The following FILIP1L variants were observed in gnomAD, a reference collection of about 807,000 sequenced individuals.
The protein encoded by FILIP1L is filamin A interacting protein 1 like.
A neutral mutation model predicts 96.6 loss-of-function variants in FILIP1L; 55 were observed. The observed-to-expected ratio is 0.57, with a 90% CI of 0.46 to 0.71. The LOEUF (loss-of-function observed/expected upper bound fraction) is 0.71. Ranked by LOEUF, FILIP1L falls within the 30% of genes least tolerant of loss-of-function variation. The pLI is 0.00. For missense variants in FILIP1L, 1,304 were observed against 1,321.2 expected, an observed-to-expected ratio of 0.99 and a Z score of 0.20; for synonymous variants, 467 against 473.9, an observed-to-expected ratio of 0.99 and a Z score of 0.19.
At chr3:99,901,629 T>C (rs1459393977) in intron 4 of FILIP1L, among the ~76,000 whole-genome samples, 2 of 152,230 alleles carry the variant, frequency 1.3e-5, no homozygotes, top group Admixed American at 1.3e-4. Context: ...ATCAGCGATG[T>C]GTATTCTAAA....
chr3:100,037,929 A>T (rs1173953209), intron 1 of FILIP1L, among the ~76,000 whole-genome samples: 1 of 147,616 alleles, frequency 6.8e-6, no homozygotes, highest in African/African-American at 2.5e-5. Context: ...TTTCCTTTTT[A>T]ATCGCTTTTC....
intron 1 of FILIP1L, among the ~76,000 whole-genome samples, chr3:100,099,462 C>T (rs1228538923): frequency 6.6e-6 from 1 of 152,114 alleles, no homozygotes; most frequent in East Asian, 1.9e-4. Context: ...GAGAGCTGAT[C>T]TTGTAGCTAG....
chr3:100,047,711 G>A (rs577893205), intron 1 of FILIP1L, among the ~76,000 whole-genome samples: 2 of 152,290 alleles, frequency 1.3e-5, no homozygotes, highest in South Asian at 2.1e-4. Flanking sequence ...CCCTGCCACT[G>A]TCTAGCTATA....
chr3:99,839,921 A>C (rs1943056274), intron 5 of FILIP1L, among the ~76,000 whole-genome samples: 1 of 151,990 alleles, frequency 6.6e-6, no homozygotes, highest in Non-Finnish European at 1.5e-5. Context: ...TAAGAGTGGA[A>C]CTCTTATAGA....
chr3:99,862,897 A>G (rs140359533), intron 4 of FILIP1L, among the ~76,000 whole-genome samples: 147 of 152,276 alleles, frequency 9.7e-4, no homozygotes, highest in African/African-American at 3.2e-3. Flanking sequence ...CCAATATCCA[A>G]TGAAATGCCA....
intron 4 of FILIP1L, among the ~76,000 whole-genome samples, chr3:99,909,898 A>C (rs1394656994): frequency 6.6e-6 from 1 of 152,108 alleles, no homozygotes; most frequent in Non-Finnish European, 1.5e-5. Context: ...TGAACCCTTC[A>C]TATTCAGAGT....
intron 1 of FILIP1L, among the ~76,000 whole-genome samples, chr3:99,997,590 G>A (rs1709720357): frequency 6.6e-6 from 1 of 152,132 alleles, no homozygotes; most frequent in Non-Finnish European, 1.5e-5. Context: ...TAGATGGTAG[G>A]GGCAGGGTGG....
intron 1 of FILIP1L, among the ~76,000 whole-genome samples, chr3:99,942,681 T>C (rs1378940555): frequency 6.6e-6 from 1 of 152,024 alleles, no homozygotes; most frequent in East Asian, 1.9e-4. Flanking sequence ...AAAATATAAC[T>C]AGCCGGGCAT....
rs768045362 is a variant in FILIP1L, at chr3:99,930,793, G to A, written c.228C>T (p.Leu76=). Residue 76 remains leucine, a synonymous_variant, in exon 2 of 6, where the codon CTC becomes CTT. Transcript: ENST00000477258. Reference sequence around the variant, plus strand: ...CCTGCAGTTCTCCCTCCAGAATGCTGAGGAGAAATAACAGGTCATCTCTTG... The same window carrying A: ...CCTGCAGTTCTCCCTCCAGAATGCTAAGGAGAAATAACAGGTCATCTCTTG... The part of the protein sequence containing the change: ...DLSRDDLLFL[L]SILEGELQAR... The A allele has an allele frequency of 6.2e-7, 1 of 1,613,242 alleles. No homozygotes were observed. Among genetic ancestry groups the A allele is most frequent in the Non-Finnish European group, 8.5e-7 (1 of 1,179,822 alleles).
intron 1 of FILIP1L, among the ~76,000 whole-genome samples, chr3:100,098,940 A>C (rs2066259099): frequency 6.6e-6 from 1 of 152,262 alleles, no homozygotes; most frequent in Non-Finnish European, 1.5e-5. Flanking sequence ...AAATAATGCC[A>C]GTTAAGATGG....
At chr3:100,070,653 C>T (rs567183468) in intron 1 of FILIP1L, among the ~76,000 whole-genome samples, 41 of 152,084 alleles carry the variant, frequency 2.7e-4, no homozygotes, top group East Asian at 1.4e-3. Flanking sequence ...TTTTTTGAGA[C>T]GGAGTTTCAC....
At chr3:100,010,154 A>G in intron 1 of FILIP1L, 9 of 973,212 alleles carry the variant, frequency 9.2e-6, no homozygotes, top group Non-Finnish European at 9.8e-6. Flanking sequence ...TTGGAGCCAC[A>G]TTTCATTTGA....
rs886962970 is a variant in FILIP1L, at chr3:100,051,891, G to A, written c.-11+62162C>T. Among the ~76,000 whole-genome samples, 10 of 147,864 alleles carry A rather than the reference G, an allele frequency of 6.8e-5. No individual in the cohort carries two copies. In the East Asian group the frequency reaches 1.8e-3, roughly 26 times the overall value. On this transcript the variant is annotated intron_variant, in intron 1 of 5. Coordinates refer to ENST00000477258, the MANE Select transcript of FILIP1L (RefSeq NM_001387850.1). ...TAATTTAATGTAATATATTTTATAT[G>A]TCATATATTTATTAATATGTGTTAT...
chr3:100,098,850 A>G (rs1576057999), intron 1 of FILIP1L, among the ~76,000 whole-genome samples: 1 of 152,228 alleles, frequency 6.6e-6, no homozygotes, highest in East Asian at 1.9e-4. Flanking sequence ...AAACTAGGAA[A>G]ACATTTTTAA....
intron 1 of FILIP1L, among the ~76,000 whole-genome samples, chr3:100,093,571 C>T (rs2066150687): frequency 6.6e-6 from 1 of 152,140 alleles, no homozygotes; most frequent in Non-Finnish European, 1.5e-5. Flanking sequence ...CCAGTTTCCT[C>T]CAATGGTAAC....
intron 4 of FILIP1L, among the ~76,000 whole-genome samples, chr3:99,864,318 A>G (rs1944406905): frequency 6.6e-6 from 1 of 152,184 alleles, no homozygotes; most frequent in African/African-American, 2.4e-5. Flanking sequence ...CTTGGCTTAT[A>G]AAGAGAAGGA....
chr3:99,938,579 C>G (rs912419208), intron 1 of FILIP1L, among the ~76,000 whole-genome samples: 1 of 152,302 alleles, frequency 6.6e-6, no homozygotes, highest in East Asian at 1.9e-4. Context: ...GCATTTCCCC[C>G]TATCTTTACA....
intron 1 of FILIP1L, among the ~76,000 whole-genome samples, chr3:99,941,792 ATTGAT>A (rs969534903): frequency 3.9e-5 from 6 of 152,324 alleles, no homozygotes; most frequent in African/African-American, 1.2e-4. Flanking sequence ...GAAAAAATAT[ATTGAT>A]TTATCTATTA....
chr3:99,939,614 T>C (rs1359875191), intron 1 of FILIP1L, among the ~76,000 whole-genome samples: 1 of 152,178 alleles, frequency 6.6e-6, no homozygotes. Context: ...TCAGGGAAGA[T>C]CTTAGCAGCT....
Sources: allele counts gnomAD v4.1 joint callset (sites outside exome capture counted in the v4.1 genomes callset), GRCh38; gene constraint gnomAD v4.1.1; transcripts MANE v1.5; gene names NCBI Gene and HGNC (gene_info 2026-07-23, HGNC 2026-07-21).